The following PTCHD4 variants were observed in gnomAD, a reference collection of about 807,000 sequenced individuals.
PTCHD4 encodes patched domain containing 4.
In PTCHD4, 33 loss-of-function variants were observed where a neutral mutation model predicts 58.1. That is an observed-to-expected ratio of 0.57 (90% confidence interval 0.43 to 0.76). PTCHD4 has a LOEUF of 0.76. PTCHD4 is among the 30% of genes least tolerant of loss of function. The pLI is 0.00. For synonymous variants in PTCHD4, 478 were observed against 409.6 expected (o/e 1.17, Z -2.02); for missense variants, 1,058 against 1,027.1 (o/e 1.03, Z -0.41).
chr6:48,077,577 G>T (rs1338889190), intron 1 of PTCHD4, among the ~76,000 whole-genome samples: 1 of 152,154 alleles, frequency 6.6e-6, no homozygotes, highest in Non-Finnish European at 1.5e-5. Flanking sequence ...TCTCAGCCTA[G>T]CTTCCAGACT....
rs1763877035 is a variant in PTCHD4, at chr6:47,877,455, T to C, written c.*848A>G. On this transcript the variant is annotated 3_prime_UTR_variant, in exon 5 of 5. Coordinates refer to ENST00000339488, the MANE Select transcript of PTCHD4 (RefSeq NM_001384253.1). ...ACTGTTTATTTCTAATATGAAACAGTAAACCTTGTCCATGTGGTAATTAAT... is the reference window on the plus strand; with the variant it reads ...ACTGTTTATTTCTAATATGAAACAGCAAACCTTGTCCATGTGGTAATTAAT... 6.6e-6 allele frequency among the ~76,000 whole-genome samples: 1 copy of C among 152,102 alleles called. No homozygotes were observed. The highest frequency in any genetic ancestry group is 1.5e-5 in the Non-Finnish European group (1 of 67,988).
intron 3 of PTCHD4, among the ~76,000 whole-genome samples, chr6:48,065,202 T>A (rs1764755459): frequency 6.6e-6 from 1 of 152,226 alleles, no homozygotes; most frequent in African/African-American, 2.4e-5. Flanking sequence ...TGTTTACACA[T>A]CTTCAGCCTG....
intron 4 of PTCHD4, among the ~76,000 whole-genome samples, chr6:47,936,380 A>T (rs545693099): frequency 6.6e-6 from 1 of 152,342 alleles, no homozygotes; most frequent in African/African-American, 2.4e-5. Context: ...TTCAGTTTAG[A>T]TGGTAAATTT....
intron 3 of PTCHD4, among the ~76,000 whole-genome samples, chr6:48,045,133 A>G (rs570709090): frequency 2.0e-5 from 3 of 151,922 alleles, no homozygotes; most frequent in African/African-American, 2.4e-5. Flanking sequence ...GGAGAGGAAG[A>G]TCCTCAAGAT....
intron 4 of PTCHD4, among the ~76,000 whole-genome samples, chr6:47,987,413 A>G (rs1439194981): frequency 6.6e-6 from 1 of 151,636 alleles, no homozygotes; most frequent in Admixed American, 6.6e-5. Context: ...TAATAAAAAA[A>G]AAGATTAAAA....
At chr6:48,011,234 G>A (rs188506413) in intron 3 of PTCHD4, among the ~76,000 whole-genome samples, 12 of 152,196 alleles carry the variant, frequency 7.9e-5, no homozygotes, top group Non-Finnish European at 1.0e-4. Context: ...ATCCTCTCCA[G>A]CATCTGTTGT....
At chr6:48,065,098 G>T (rs1296853676) in intron 3 of PTCHD4, among the ~76,000 whole-genome samples, 5 of 152,082 alleles carry the variant, frequency 3.3e-5, no homozygotes, top group Non-Finnish European at 2.9e-5. Flanking sequence ...AAACCTTTCT[G>T]TGTCCAGGAC....
chr6:48,009,733 A>C (rs1762601540), intron 3 of PTCHD4, among the ~76,000 whole-genome samples: 1 of 152,200 alleles, frequency 6.6e-6, no homozygotes, highest in Admixed American at 6.5e-5. Context: ...ATATGATGTG[A>C]ACACCTATTC....
At chr6:47,951,432 G>A (rs1381864994) in intron 4 of PTCHD4, among the ~76,000 whole-genome samples, 3 of 152,122 alleles carry the variant, frequency 2.0e-5, no homozygotes, top group Non-Finnish European at 4.4e-5. Flanking sequence ...CTAGTGCTGG[G>A]CACTATCTAG....
intron 4 of PTCHD4, among the ~76,000 whole-genome samples, chr6:47,910,277 T>G (rs574918145): frequency 6.6e-6 from 1 of 152,272 alleles, no homozygotes; most frequent in African/African-American, 2.4e-5. Flanking sequence ...AGTCAAGACG[T>G]CCATTGCCAT....
intron 4 of PTCHD4, among the ~76,000 whole-genome samples, chr6:47,955,794 T>C (rs1053306595): frequency 3.3e-4 from 50 of 152,294 alleles, no homozygotes; most frequent in African/African-American, 1.1e-3. Flanking sequence ...ATCAAAAATG[T>C]GTGAAAAACA....
At chr6:47,889,540 GATT>G (rs1764312411) in intron 4 of PTCHD4, among the ~76,000 whole-genome samples, 1 of 151,990 alleles carries the variant, frequency 6.6e-6, no homozygotes, top group African/African-American at 2.4e-5. Context: ...GTTCATTGTA[GATT>G]CTGGATATTA....
At chr6:47,931,692 C>T (rs1411992431) in intron 4 of PTCHD4, among the ~76,000 whole-genome samples, 1 of 151,464 alleles carries the variant, frequency 6.6e-6, no homozygotes, top group Non-Finnish European at 1.5e-5. Flanking sequence ...TTCATTTAGG[C>T]TGTATGCTCT....
chr6:47,950,487 A>T (rs984822196), intron 4 of PTCHD4, among the ~76,000 whole-genome samples: 2 of 152,188 alleles, frequency 1.3e-5, no homozygotes, highest in African/African-American at 4.8e-5. Context: ...GATGAGAAAG[A>T]TGAGGATAAA....
chr6:47,950,851 A>AAGTAGC (rs1420073928), intron 4 of PTCHD4, among the ~76,000 whole-genome samples: 3 of 152,132 alleles, frequency 2.0e-5, no homozygotes, highest in Non-Finnish European at 4.4e-5. Flanking sequence ...AGGGGATAAG[A>AAGTAGC]AGTAGCAGCC....
At position 47,873,858 on chromosome 6, in the gene PTCHD4, G is replaced by GT. The variant is rs1282283749; in HGVS notation, c.*4444dup. 1.3e-5 allele frequency among the ~76,000 whole-genome samples: 2 copies of GT among 151,550 alleles called. No homozygotes were observed. The highest frequency in any genetic ancestry group is 3.0e-5 in the Non-Finnish European group (2 of 67,698). ...GAAAAAGCTAAAACTTTTTTTGTTT[G>GT]TTTTTTGTTTGTAAAGGGAAGAAAA... On this transcript the variant is annotated 3_prime_UTR_variant, in exon 5 of 5. Transcript: ENST00000339488.
At chr6:48,043,198 T>C (rs977456691) in intron 3 of PTCHD4, among the ~76,000 whole-genome samples, 3 of 151,902 alleles carry the variant, frequency 2.0e-5, no homozygotes, top group African/African-American at 4.8e-5. Context: ...ATACCTTTAA[T>C]ATGGAGAAAT....
intron 1 of PTCHD4, among the ~76,000 whole-genome samples, chr6:48,093,204 G>T (rs1168548985): frequency 6.6e-6 from 1 of 152,116 alleles, no homozygotes; most frequent in African/African-American, 2.4e-5. Flanking sequence ...CAGATTTATA[G>T]AGACTTGAAG....
In PTCHD4 at chr6:48,078,468, T is replaced by C. The variant is rs909829979; in HGVS notation, c.-969-8542A>G. Among the ~76,000 whole-genome samples, 3 of 152,360 alleles carry C rather than the reference T, an allele frequency of 2.0e-5. No individual in the cohort carries two copies. In the South Asian group the frequency reaches 6.2e-4, roughly 32 times the overall value. On this transcript the variant is annotated intron_variant, in intron 1 of 4. Transcript: ENST00000339488. ...ATGGTGCAGAGTCTTATTGGATCAATGCACAAAGATGACATGCTGCTTTGT... is the reference window on the plus strand; with the variant it reads ...ATGGTGCAGAGTCTTATTGGATCAACGCACAAAGATGACATGCTGCTTTGT...
Sources: gnomAD v4.1 joint callset for allele counts (sites outside exome capture counted in the v4.1 genomes callset) on GRCh38, gnomAD v4.1.1 for gene constraint, MANE v1.5 for transcripts, NCBI Gene and HGNC (gene_info 2026-07-23, HGNC 2026-07-21) for gene names.